DAB1: variants seen among roughly 807,000 people sequenced by gnomAD.
The protein encoded by DAB1 is DAB adaptor protein 1, also known as disabled homolog 1.
Under a neutral mutation model 64.6 loss-of-function variants are expected in DAB1, and 15 were observed. That is an observed-to-expected ratio of 0.23 (90% confidence interval 0.16 to 0.36). The LOEUF (loss-of-function observed/expected upper bound fraction) is 0.36, where lower values mean the gene tolerates loss of function less well. Among genes scored for constraint, DAB1 ranks in the 10% least tolerant of loss-of-function variants. The pLI is 1.00. For synonymous variants in DAB1, 235 were observed against 251.9 expected (o/e 0.93, Z 0.64); for missense variants, 596 against 706.7 (o/e 0.84, Z 1.78).
chr1:57,246,935 A>T (rs756079168), intron 2 of DAB1, among the ~76,000 whole-genome samples: 7 of 152,202 alleles, frequency 4.6e-5, no homozygotes, highest in Admixed American at 2.0e-4. Context: ...GAATGGGAAC[A>T]TTTACCCACT....
At chr1:57,875,846 G>A (rs1410034217) in intron 1 of DAB1, among the ~76,000 whole-genome samples, 1 of 152,126 alleles carries the variant, frequency 6.6e-6, no homozygotes. Flanking sequence ...AAAATTTAAA[G>A]TCAATATGAA....
intron 4 of DAB1, among the ~76,000 whole-genome samples, chr1:57,084,631 C>A (rs529820167): frequency 6.6e-6 from 1 of 152,184 alleles, no homozygotes; most frequent in Non-Finnish European, 1.5e-5. Flanking sequence ...TCTTTCTGCT[C>A]TCTCAGTGAG....
intron 10 of DAB1, among the ~76,000 whole-genome samples, chr1:57,025,678 C>T (rs553052001): frequency 1.6e-4 from 25 of 152,332 alleles, no homozygotes; most frequent in South Asian, 4.2e-4. Context: ...ACATCTCCTT[C>T]GGGCCTTTCT....
chr1:57,846,611 T>C (rs534183110), intron 1 of DAB1, among the ~76,000 whole-genome samples: 2 of 152,192 alleles, frequency 1.3e-5, no homozygotes, highest in South Asian at 4.1e-4. Context: ...ATTCAGTCCT[T>C]ACTCTGAGGG....
At chr1:57,287,778 T>TTTTATTTATTTATTTATTTA (rs10647426) in intron 2 of DAB1, among the ~76,000 whole-genome samples, 2,965 of 144,100 alleles carry the variant, frequency 0.021, 48 homozygotes, top group Middle Eastern at 0.04. Context: ...TTTCTCTCTC[T>TTTTATTTATTTATTTATTTA]TTTATTTATT....
chr1:57,707,873 C>T (rs1026042221), intron 6 of DAB1, among the ~76,000 whole-genome samples: 3 of 152,114 alleles, frequency 2.0e-5, no homozygotes, highest in Non-Finnish European at 4.4e-5. Flanking sequence ...TTGCAGATGC[C>T]CTACATACAC....
At chr1:57,921,900 C>A (rs775234134) in intron 5 of DAB1, among the ~76,000 whole-genome samples, 26 of 152,342 alleles carry the variant, frequency 1.7e-4, no homozygotes, top group Middle Eastern at 6.8e-3. Context: ...CTTCTCCCTT[C>A]TTGATCTTTC....
At chr1:58,169,466 C>G (rs149719877) in intron 4 of DAB1, among the ~76,000 whole-genome samples, 2 of 152,268 alleles carry the variant, frequency 1.3e-5, no homozygotes, top group East Asian at 3.9e-4. Flanking sequence ...CCATTGGGAA[C>G]AATTTGACCT....
At chr1:57,795,690 G>GATATATATATATATATATATAT (rs3081038) in intron 6 of DAB1, among the ~76,000 whole-genome samples, 3 of 69,098 alleles carry the variant, frequency 4.3e-5, no homozygotes, top group African/African-American at 5.6e-5. Flanking sequence ...TATGCTTGGA[G>GATATATATATATATATATATAT]ATATATATAT....
intron 6 of DAB1, among the ~76,000 whole-genome samples, chr1:57,812,589 C>T (rs1386839899): frequency 1.3e-5 from 2 of 152,190 alleles, no homozygotes; most frequent in Non-Finnish European, 2.9e-5. Context: ...GGCAGGAATA[C>T]ATTCAACAGT....
At chr1:58,269,461 G>C (rs1030816005) in intron 4 of DAB1, among the ~76,000 whole-genome samples, 99 of 150,488 alleles carry the variant, frequency 6.6e-4, no homozygotes, top group Non-Finnish European at 1.2e-3. Flanking sequence ...TGTGAATAAT[G>C]CCGCAATAAA....
chr1:58,102,546 A>C (rs745847724), intron 5 of DAB1, among the ~76,000 whole-genome samples: 4 of 152,178 alleles, frequency 2.6e-5, no homozygotes, highest in Non-Finnish European at 2.9e-5. Flanking sequence ...TTATATCAAG[A>C]TCTTAGATGA....
At chr1:57,350,968 G>A (rs147644380) in intron 1 of DAB1, among the ~76,000 whole-genome samples, 6 of 152,242 alleles carry the variant, frequency 3.9e-5, no homozygotes, top group Admixed American at 6.5e-5. Flanking sequence ...CAAAGGGTTC[G>A]AATGAAACAG....
intron 5 of DAB1, among the ~76,000 whole-genome samples, chr1:58,106,972 T>C (rs1488625536): frequency 1.3e-5 from 2 of 151,546 alleles, no homozygotes; most frequent in Admixed American, 6.6e-5. Context: ...TCCCTCCTTC[T>C]AAAGCATTTA....
At chr1:57,597,328 G>T (rs539102255) in intron 7 of DAB1, among the ~76,000 whole-genome samples, 2 of 152,344 alleles carry the variant, frequency 1.3e-5, no homozygotes, top group Non-Finnish European at 1.5e-5. Context: ...GAGAGCAGGA[G>T]TCAGAGCTGT....
At chr1:58,478,173 T>C (rs1255127420) in intron 3 of DAB1, among the ~76,000 whole-genome samples, 1 of 152,134 alleles carries the variant, frequency 6.6e-6, no homozygotes, top group Non-Finnish European at 1.5e-5. Flanking sequence ...CTTCTCACCA[T>C]ATCTGATGGT....
At chr1:58,223,880 G>A (rs1659316295) in intron 4 of DAB1, among the ~76,000 whole-genome samples, 1 of 152,184 alleles carries the variant, frequency 6.6e-6, no homozygotes, top group African/African-American at 2.4e-5. Context: ...TTTTCTGCTG[G>A]GTTGGATGTG....
At chr1:57,319,771 G>C (rs2100760417) in intron 1 of DAB1, among the ~76,000 whole-genome samples, 1 of 151,964 alleles carries the variant, frequency 6.6e-6, no homozygotes, top group East Asian at 1.9e-4. Context: ...TAGGTGGGTT[G>C]TCTTGCTTTG....
chr1:58,063,750 T>G (rs564367632), intron 5 of DAB1, among the ~76,000 whole-genome samples: 11 of 152,126 alleles, frequency 7.2e-5, no homozygotes, highest in African/African-American at 2.7e-4. Context: ...ATGAAGTAGG[T>G]CCTAGATCAT....
Sources: allele counts gnomAD v4.1 joint callset (sites outside exome capture counted in the v4.1 genomes callset), GRCh38; gene constraint gnomAD v4.1.1; transcripts MANE v1.5; gene names NCBI Gene and HGNC (gene_info 2026-07-23, HGNC 2026-07-21).